Variants in WDR49 observed in about 807,000 individuals in gnomAD.
WDR49 encodes WD repeat domain 49, also known as cilia- and flagella-associated protein 337.
Under a neutral mutation model 119.5 loss-of-function variants are expected in WDR49, and 107 were observed. The ratio of observed to expected loss-of-function variants is 0.90; its 90% CI spans 0.77 to 1.05. The LOEUF (loss-of-function observed/expected upper bound fraction) is 1.05, where lower values mean the gene tolerates loss of function less well. Among genes scored for constraint, WDR49 ranks in the 50% least tolerant of loss-of-function variants. The pLI, the probability that WDR49 is intolerant of heterozygous loss-of-function variation, is 0.00. For synonymous variants in WDR49, 425 were observed against 418.8 expected (o/e 1.01, Z -0.18); for missense variants, 1,240 against 1,220.5 (o/e 1.02, Z -0.24).
rs575362074 is a variant in WDR49, at chr3:167,606,249, T to C, written c.959-1781A>G. On this transcript the variant is annotated intron_variant, in intron 5 of 18. Transcript: ENST00000682715. ...CCCTTTGGGAATCTGATGAGAACTA[T>C]AGACCCTCTCCATCAGAAAGGTATG... 1.5e-4 allele frequency among the ~76,000 whole-genome samples: 23 copies of C among 152,254 alleles called. 1 individual carries two copies. Among genetic ancestry groups the C allele is most frequent in the African/African-American group, 5.3e-4 (22 of 41,554 alleles).
chr3:167,540,258 T>A (rs941518188), intron 10 of WDR49, among the ~76,000 whole-genome samples: 1 of 152,140 alleles, frequency 6.6e-6, no homozygotes, highest in Admixed American at 6.5e-5. Flanking sequence ...ACACTAAATA[T>A]ATCTACAAGG....
At position 167,505,284 on chromosome 3, in the gene WDR49, C is replaced by T. The variant is rs2108213946; in HGVS notation, c.2884+23G>A. The stretch of plus-strand genomic sequence containing the variant: ...TCTGTTAAATAATATTATAAAAATA[C>T]ATTAACAACAGTGACTACTTACTGA... On this transcript the variant is annotated intron_variant, in intron 17 of 18. Transcript: ENST00000682715. 6.2e-6 allele frequency: 9 copies of T among 1,452,880 alleles called. No individual in the cohort carries two copies. The East Asian group carries it at 2.3e-4, about 37-fold the overall frequency. 90.0% of individuals were successfully genotyped at this position (1,452,880 alleles called of 1,614,324 possible). A position where few individuals can be genotyped will look rare whatever the true frequency, so the allele number is the denominator to read the frequency against.
At chr3:167,593,872 T>G (rs1445480553) in intron 7 of WDR49, among the ~76,000 whole-genome samples, 1 of 152,046 alleles carries the variant, frequency 6.6e-6, no homozygotes, top group East Asian at 1.9e-4. Context: ...CTCATGATAG[T>G]GAGGGAATTG....
chr3:167,507,570 G>A (rs917490237), intron 16 of WDR49, among the ~76,000 whole-genome samples: 3 of 152,098 alleles, frequency 2.0e-5, no homozygotes, highest in South Asian at 2.1e-4. Context: ...CAGGGGCCAC[G>A]GTAAAGAGGT....
At chr3:167,631,314 A>C (rs139418906) in intron 2 of WDR49, among the ~76,000 whole-genome samples, 1 of 152,074 alleles carries the variant, frequency 6.6e-6, no homozygotes, top group Admixed American at 6.6e-5. Flanking sequence ...AAATAAATAA[A>C]TAATTTAAAA....
intron 2 of WDR49, among the ~76,000 whole-genome samples, chr3:167,640,352 T>A (rs911710905): frequency 6.6e-5 from 10 of 151,854 alleles, no homozygotes; most frequent in African/African-American, 2.4e-4. Flanking sequence ...TTATTAACCA[T>A]CTTCCGTTGA....
At chr3:167,575,376 G>A (rs1028188689) in intron 8 of WDR49, 8 of 817,880 alleles carry the variant, frequency 9.8e-6, no homozygotes, top group African/African-American at 1.9e-5. Flanking sequence ...AGGCTGCGGA[G>A]CGTCATTAAA....
At chr3:167,514,889 TG>T (rs1309483030) in intron 16 of WDR49, among the ~76,000 whole-genome samples, 1 of 151,832 alleles carries the variant, frequency 6.6e-6, no homozygotes, top group Non-Finnish European at 1.5e-5. Context: ...CTAGAAGAAA[TG>T]GATAAATTCC....
chr3:167,539,373 A>G (rs552485787), intron 10 of WDR49, among the ~76,000 whole-genome samples: 3 of 152,024 alleles, frequency 2.0e-5, no homozygotes, highest in South Asian at 2.1e-4. Flanking sequence ...ATACTTTTTC[A>G]TGCCTCTATG....
In WDR49 at chr3:167,505,413, G is replaced by T; in HGVS notation, c.2778C>A (p.Val926=). ...CTAAATTTATATCTTCTGATGGTCT[G>T]ACACTGGAAGAAAATATTTCATGAT... is the stretch of plus-strand genomic sequence containing the variant. ...KKNKDDSTYN[V]RPSEDINLDI... The change falls in exon 17 of 19, where the codon GTC becomes GTA. Residue 926 remains valine (V), a synonymous_variant. Coordinates refer to ENST00000682715, the MANE Select transcript of WDR49 (RefSeq NM_001366157.1). 6.6e-7 allele frequency: 1 copy of T among 1,509,152 alleles called. No individual in the cohort carries two copies. The highest frequency in any genetic ancestry group is 1.4e-5 in the South Asian group (1 of 72,984). The allele number at this position is 1,509,152 out of a possible 1,614,324, so 93.5% of individuals were successfully genotyped here.
intron 12 of WDR49, among the ~76,000 whole-genome samples, chr3:167,532,535 T>C (rs1172922992): frequency 1.3e-5 from 2 of 152,134 alleles, no homozygotes; most frequent in Non-Finnish European, 2.9e-5. Flanking sequence ...ATTTCCATTT[T>C]TTTACCAAAG....
chr3:167,565,852 A>G (rs993737910), intron 8 of WDR49, among the ~76,000 whole-genome samples: 2 of 152,116 alleles, frequency 1.3e-5, no homozygotes, highest in African/African-American at 4.8e-5. Flanking sequence ...GAAAAAAAAA[A>G]CTTTCCTCTT....
At chr3:167,608,251 T>C (rs1312201531) in intron 5 of WDR49, among the ~76,000 whole-genome samples, 10 of 152,212 alleles carry the variant, frequency 6.6e-5, no homozygotes, top group Non-Finnish European at 1.5e-4. Flanking sequence ...ATGTAAACTA[T>C]ACAACATAAT....
chr3:167,555,996 T>A (rs186026719), intron 9 of WDR49, among the ~76,000 whole-genome samples: 2 of 152,284 alleles, frequency 1.3e-5, no homozygotes, highest in Admixed American at 1.3e-4. Context: ...AACACAATGG[T>A]AAGTATTTGC....
At chr3:167,574,571 A>G (rs1714133207) in intron 8 of WDR49, among the ~76,000 whole-genome samples, 1 of 151,024 alleles carries the variant, frequency 6.6e-6, no homozygotes, top group Non-Finnish European at 1.5e-5. Context: ...GATACATCCT[A>G]CATCATATAC....
chr3:167,556,749 G>A (rs1009263702), intron 9 of WDR49, among the ~76,000 whole-genome samples: 8 of 152,186 alleles, frequency 5.3e-5, no homozygotes, highest in Middle Eastern at 3.4e-3. Flanking sequence ...AGGCAGGGCC[G>A]GATTCAGTGG....
chr3:167,600,274 C>G (rs1334545164), intron 7 of WDR49, among the ~76,000 whole-genome samples: 1 of 152,086 alleles, frequency 6.6e-6, no homozygotes, highest in Admixed American at 6.6e-5. Flanking sequence ...CATGTCCCCC[C>G]ACACTTCCCC....
At chr3:167,655,034 C>A (rs1204232155), upstream of WDR49, among the ~76,000 whole-genome samples, 1 of 152,092 alleles carries the variant, frequency 6.6e-6, no homozygotes, top group Admixed American at 6.6e-5. Context: ...TGAAGACATA[C>A]CTGAGACTGG....
intron 8 of WDR49, among the ~76,000 whole-genome samples, chr3:167,565,733 G>C (rs1370976822): frequency 6.6e-6 from 1 of 152,152 alleles, no homozygotes; most frequent in East Asian, 1.9e-4. Context: ...CAAGGCTTAA[G>C]CAGTGTGAGG....
Sources: gnomAD v4.1 joint callset for allele counts (sites outside exome capture counted in the v4.1 genomes callset) on GRCh38, gnomAD v4.1.1 for gene constraint, MANE v1.5 for transcripts, NCBI Gene and HGNC (gene_info 2026-07-23, HGNC 2026-07-21) for gene names.